The following TACC1 variants were observed in gnomAD, a reference collection of about 807,000 sequenced individuals.
TACC1 encodes the protein transforming acidic coiled-coil containing protein 1.
A neutral mutation model predicts 84.4 loss-of-function variants in TACC1; 48 were observed. The observed-to-expected ratio is 0.57, with a 90% CI of 0.45 to 0.72. TACC1 has a LOEUF of 0.72. TACC1 is among the 30% of genes least tolerant of loss of function. The probability of loss-of-function intolerance (pLI) is 0.00; values close to 1 mark genes in which losing one functional copy is unlikely to be tolerated. For missense variants in TACC1, 920 were observed against 973.0 expected, an observed-to-expected ratio of 0.95 and a Z score of 0.72; for synonymous variants, 372 against 376.3, an observed-to-expected ratio of 0.99 and a Z score of 0.13.
chr8:38,837,157 G>A (rs565178764), intron 7 of TACC1, among the ~76,000 whole-genome samples: 10 of 135,538 alleles, frequency 7.4e-5, no homozygotes, highest in African/African-American at 2.5e-4. Context: ...GCTCATGCCT[G>A]TAATCCCAGT....
At chr8:38,769,569 GTA>G (rs1211122509) in intron 3 of TACC1, among the ~76,000 whole-genome samples, 6 of 148,458 alleles carry the variant, frequency 4.0e-5, no homozygotes, top group African/African-American at 5.0e-5. Flanking sequence ...TGTGGTGTGT[GTA>G]TGACTGTGTG....
intron 1 of TACC1, among the ~76,000 whole-genome samples, chr8:38,737,777 G>A (rs1263475501): frequency 6.6e-6 from 1 of 151,602 alleles, no homozygotes; most frequent in African/African-American, 2.4e-5. Flanking sequence ...GCCCAGGCTG[G>A]AGTGCAATGG....
chr8:38,836,406 T>G, intron 7 of TACC1, 119 bp downstream of exon 7: 1 of 1,420,620 alleles, frequency 7.0e-7, no homozygotes, highest in Non-Finnish European at 9.5e-7. Context: ...TCTTATTACC[T>G]GCAGCTTGTT....
chr8:38,848,245 G>C lies in TACC1; in HGVS notation c.*222G>C. The C allele has an allele frequency of 2.6e-6, 1 of 389,638 alleles. No homozygotes were observed. The highest frequency in any genetic ancestry group is 4.6e-6 in the Non-Finnish European group (1 of 219,324). 24.1% of individuals were successfully genotyped at this position (389,638 alleles called of 1,614,324 possible). A position where few individuals can be genotyped will look rare whatever the true frequency, so the allele number is the denominator to read the frequency against. On this transcript the variant is annotated 3_prime_UTR_variant, in exon 13 of 13. Transcript: ENST00000317827. ...CTAGAAAGGAGTGTGACCTGACAGT[G>C]CTGGAGCCTCCTAGTTTCCCCCTAT...
chr8:38,740,984 A>C (rs574718041), intron 1 of TACC1, among the ~76,000 whole-genome samples: 5 of 152,204 alleles, frequency 3.3e-5, no homozygotes, highest in African/African-American at 7.2e-5. Context: ...TAAAGTCACT[A>C]TATGGCCTCT....
chr8:38,802,501 C>T (rs1389494027), intron 2 of TACC1, among the ~76,000 whole-genome samples: 1 of 152,188 alleles, frequency 6.6e-6, no homozygotes, highest in African/African-American at 2.4e-5. Flanking sequence ...CAAAACCATA[C>T]CCCTACCTCC....
chr8:38,812,408 T>C (rs549768683), intron 2 of TACC1, among the ~76,000 whole-genome samples: 2 of 152,278 alleles, frequency 1.3e-5, no homozygotes, highest in South Asian at 4.1e-4. Context: ...GCGGCCCAGC[T>C]GTAAAATTCC....
upstream of TACC1, among the ~76,000 whole-genome samples, chr8:38,786,287 G>A (rs553596823): frequency 9.5e-4 from 144 of 152,340 alleles, no homozygotes; most frequent in African/African-American, 3.3e-3. Flanking sequence ...GGGAAATGGA[G>A]AACATCAGCT....
chr8:38,781,526 T>C (rs1420520034), intron 3 of TACC1, among the ~76,000 whole-genome samples: 1 of 151,960 alleles, frequency 6.6e-6, no homozygotes, highest in Non-Finnish European at 1.5e-5. Context: ...GGATGACAGG[T>C]GCGTGCCACA....
intron 9 of TACC1, 47 bp from the exon 10 acceptor site, chr8:38,842,240 C>CT (rs1343811585): frequency 1.9e-6 from 3 of 1,587,364 alleles, no homozygotes; most frequent in South Asian, 1.2e-5. Flanking sequence ...TAAGGAGTGT[C>CT]TATTTTTTGA....
In TACC1 at chr8:38,838,331, C is replaced by G. The variant is rs1403977131; in HGVS notation, c.1840-139C>G. 4 of 592,826 alleles carry G rather than the reference C, an allele frequency of 6.7e-6. No homozygotes were observed. In the South Asian group the frequency reaches 8.6e-5, roughly 13 times the overall value. 36.7% of individuals were successfully genotyped at this position (592,826 alleles called of 1,614,324 possible). On this transcript the variant is annotated intron_variant, in intron 7 of 12. Coordinates refer to ENST00000317827, the MANE Select transcript of TACC1 (RefSeq NM_006283.3). Reference sequence around the variant, plus strand: ...TAGAATACACTTTTCCAAATGGTTACAAACATTTAATATTGAAGTTTATAT... The same window carrying G: ...TAGAATACACTTTTCCAAATGGTTAGAAACATTTAATATTGAAGTTTATAT...
chr8:38,779,810 TAAC>T (rs1306250194), intron 3 of TACC1, among the ~76,000 whole-genome samples: 3 of 152,300 alleles, frequency 2.0e-5, no homozygotes, highest in South Asian at 4.1e-4. Context: ...GTTAACTTGT[TAAC>T]AACAACAAAA....
intron 5 of TACC1, among the ~76,000 whole-genome samples, chr8:38,828,411 A>G (rs1370627555): frequency 6.6e-6 from 1 of 152,252 alleles, no homozygotes; most frequent in Non-Finnish European, 1.5e-5. Flanking sequence ...TATATTTAAT[A>G]TAAGTTTTAC....
chr8:38,765,597 T>C (rs571366828), intron 3 of TACC1, among the ~76,000 whole-genome samples: 58 of 152,358 alleles, frequency 3.8e-4, no homozygotes, highest in African/African-American at 1.4e-3. Context: ...TTCCCATTCA[T>C]TGAACAAATG....
At chr8:38,798,522 G>A (rs998778965) in intron 2 of TACC1, among the ~76,000 whole-genome samples, 9 of 151,948 alleles carry the variant, frequency 5.9e-5, no homozygotes, top group Non-Finnish European at 1.3e-4. Context: ...TTGCCCTACC[G>A]TGACTTCTGG....
intron 2 of TACC1, among the ~76,000 whole-genome samples, chr8:38,744,697 G>A (rs554754080): frequency 6.6e-6 from 1 of 150,636 alleles, no homozygotes. Flanking sequence ...ACTTAAAATT[G>A]CCCATCAGGG....
intron 7 of TACC1, 76 bp from the exon 8 acceptor site, chr8:38,838,394 T>G: frequency 1.0e-6 from 1 of 976,528 alleles, no homozygotes; most frequent in South Asian, 1.3e-5. Context: ...TAGACCTGGT[T>G]GTGTGCTATT....
At chr8:38,764,770 C>A (rs533187483) in intron 3 of TACC1, among the ~76,000 whole-genome samples, 1 of 152,138 alleles carries the variant, frequency 6.6e-6, no homozygotes, top group East Asian at 1.9e-4. Flanking sequence ...GGTTTGATAC[C>A]AGCCTGGCCA....
At chr8:38,780,724 C>T (rs1380849761) in intron 3 of TACC1, among the ~76,000 whole-genome samples, 2 of 151,910 alleles carry the variant, frequency 1.3e-5, no homozygotes, top group African/African-American at 2.4e-5. Context: ...AAAATCCCCT[C>T]GGAATTTTGA....
Sources: allele counts gnomAD v4.1 joint callset (sites outside exome capture counted in the v4.1 genomes callset), GRCh38; gene constraint gnomAD v4.1.1; transcripts MANE v1.5; gene names NCBI Gene and HGNC (gene_info 2026-07-23, HGNC 2026-07-21).